The following BCL11B variants were observed in gnomAD, a reference collection of about 807,000 sequenced individuals.
BCL11B encodes BCL11 transcription factor B.
A neutral mutation model predicts 49.9 loss-of-function variants in BCL11B; 8 were observed. The observed-to-expected ratio is 0.16, with a 90% CI of 0.09 to 0.29. BCL11B has a LOEUF of 0.29. Ranked by LOEUF, BCL11B falls within the 10% of genes least tolerant of loss-of-function variation. BCL11B has a pLI of 1.00. For synonymous variants in BCL11B, 739 were observed against 637.4 expected (o/e 1.16, Z -2.40); for missense variants, 1,006 against 1,351.0 (o/e 0.74, Z 4.00).
chr14:99,271,079 G>C (rs937155900), intron 1 of BCL11B, 82 bp downstream of exon 1: 4 of 1,398,434 alleles, frequency 2.9e-6, no homozygotes, highest in Middle Eastern at 4.9e-4. Flanking sequence ...GCCAGGCTCG[G>C]CTGTTCCGGG....
At chr14:99,176,373 TG>T (rs200153279) in intron 3 of BCL11B, among the ~76,000 whole-genome samples, 178 bp from the exon 4 acceptor site, 1 of 152,100 alleles carries the variant, frequency 6.6e-6, no homozygotes, top group Non-Finnish European at 1.5e-5. Context: ...TCCTCCTGGC[TG>T]GGGGGCCGAA....
intron 3 of BCL11B, among the ~76,000 whole-genome samples, chr14:99,187,195 C>T (rs952799900): frequency 6.6e-6 from 1 of 152,166 alleles, no homozygotes; most frequent in Non-Finnish European, 1.5e-5. Flanking sequence ...AGCAACATTG[C>T]CAGCCGCAGG....
In BCL11B at chr14:99,271,074, G is replaced by A. The variant is rs895553088; in HGVS notation, c.58+87C>T. ...GCGGGCGGCCCCGGCGCCTGGCCAG[G>A]CTCGGCTGTTCCGGGCTCGGTGTCC... On this transcript the variant is annotated intron_variant, in intron 1 of 3. Transcript: ENST00000357195. 18 of 1,378,060 alleles carry A rather than the reference G, an allele frequency of 1.3e-5. No homozygotes were observed. In the African/African-American group the frequency reaches 2.4e-4, roughly 19 times the overall value. 85.4% of individuals were successfully genotyped at this position (1,378,060 alleles called of 1,614,324 possible).
intron 2 of BCL11B, among the ~76,000 whole-genome samples, chr14:99,239,291 A>G (rs1888595347): frequency 6.6e-6 from 1 of 152,242 alleles, no homozygotes; most frequent in East Asian, 1.9e-4. Flanking sequence ...TTGCGTCCAG[A>G]GCCACAAACA....
At chr14:99,215,593 G>A (rs888900561) in intron 3 of BCL11B, among the ~76,000 whole-genome samples, 1 of 152,236 alleles carries the variant, frequency 6.6e-6, no homozygotes, top group Non-Finnish European at 1.5e-5. Context: ...ACCAGGCACT[G>A]TAAAATACCA....
At chr14:99,263,620 A>C (rs1035876126) in intron 1 of BCL11B, among the ~76,000 whole-genome samples, 2 of 152,224 alleles carry the variant, frequency 1.3e-5, no homozygotes, top group African/African-American at 4.8e-5. Context: ...ACTCCAGCCT[A>C]ATTTTAGGAT....
Position 99,184,426 on chromosome 14 carries a change from G to A in BCL11B, c.641-8231C>T, listed in dbSNP as rs1220050160. Among the ~76,000 whole-genome samples the A allele has an allele frequency of 2.6e-5, 4 of 152,184 alleles. No homozygotes were observed. The highest frequency in any genetic ancestry group is 5.9e-5 in the Non-Finnish European group (4 of 68,036). Reference sequence around the variant, plus strand: ...CTACAGCCTGCACGTGCCAATGTTGGCCTTTTGCTGTCAGGTGGATGCTCA... The same window carrying A: ...CTACAGCCTGCACGTGCCAATGTTGACCTTTTGCTGTCAGGTGGATGCTCA... On this transcript the variant is annotated intron_variant, in intron 3 of 3. Transcript: ENST00000357195. This position sits in a 1 kb window ranked among gnomAD's most constrained non-coding sequence, Gnocchi z 6.1.
intron 3 of BCL11B, among the ~76,000 whole-genome samples, chr14:99,191,018 G>A (rs1429674198): frequency 6.6e-6 from 1 of 152,136 alleles, no homozygotes; most frequent in African/African-American, 2.4e-5. Context: ...GAAGGCCTTT[G>A]ATTCCACTCT....
At chr14:99,214,786 A>T (rs1473547296) in intron 3 of BCL11B, among the ~76,000 whole-genome samples, 1 of 152,048 alleles carries the variant, frequency 6.6e-6, no homozygotes, top group African/African-American at 2.4e-5. Flanking sequence ...GCAGCATCTT[A>T]TTCCCATGGC....
At chr14:99,259,000 G>T (rs1889260037) in intron 1 of BCL11B, among the ~76,000 whole-genome samples, 1 of 110,946 alleles carries the variant, frequency 9.0e-6, no homozygotes, top group South Asian at 4.4e-4. Context: ...GGAAGACTCG[G>T]CAGCCAAAAG....
rs1888869560 is a variant in BCL11B, at chr14:99,247,148, C to T, written c.427+10323G>A. 6.6e-6 allele frequency among the ~76,000 whole-genome samples: 1 copy of T among 152,170 alleles called. No homozygotes were observed. The highest frequency in any genetic ancestry group is 2.4e-5 in the African/African-American group (1 of 41,448). On this transcript the variant is annotated intron_variant, in intron 2 of 3. Transcript: ENST00000357195. This position sits in a 1 kb window ranked among gnomAD's most constrained non-coding sequence, Gnocchi z 4.5. Reference sequence around the variant, plus strand: ...GGGGCCCGTCTGTTTCTGGAAATGACTTCTTTCTCTCTTTCCCCTTCTCCC... The same window carrying T: ...GGGGCCCGTCTGTTTCTGGAAATGATTTCTTTCTCTCTTTCCCCTTCTCCC...
chr14:99,269,810 T>C (rs1889602496), intron 1 of BCL11B, among the ~76,000 whole-genome samples: 1 of 136,342 alleles, frequency 7.3e-6, no homozygotes, highest in Non-Finnish European at 1.5e-5. Context: ...GCGCGGCGGA[T>C]TGCAAGCATA....
chr14:99,231,853 G>A lies in BCL11B; in HGVS notation c.428-296C>T, dbSNP rs929848131. Among the ~76,000 whole-genome samples, 17 of 151,896 alleles carry A rather than the reference G, an allele frequency of 1.1e-4. No homozygotes were observed. The highest frequency in any genetic ancestry group is 3.9e-4 in the African/African-American group (16 of 41,474). On this transcript the variant is annotated intron_variant, in intron 2 of 3. Transcript: ENST00000357195. This position sits in a 1 kb window ranked among gnomAD's most constrained non-coding sequence, Gnocchi z 8.1. ...TGGTGCAGGGGGCTGGGTGAACGGG[G>A]GCTGTGAGGACCCACTCTCAGGAAG...
intron 3 of BCL11B, among the ~76,000 whole-genome samples, chr14:99,212,525 A>C (rs1887716985): frequency 6.6e-6 from 1 of 152,192 alleles, no homozygotes; most frequent in Non-Finnish European, 1.5e-5. Context: ...CTATGGGGAC[A>C]AACAGGGTCC....
At chr14:99,222,752 C>T (rs1888046942) in intron 3 of BCL11B, among the ~76,000 whole-genome samples, 1 of 152,210 alleles carries the variant, frequency 6.6e-6, no homozygotes, top group Admixed American at 6.5e-5. Flanking sequence ...GACCCTCAGC[C>T]TCAAGTTCCC....
In BCL11B at chr14:99,270,569, C is replaced by A. The variant is rs937228030; in HGVS notation, c.58+592G>T. 2.2e-4 allele frequency among the ~76,000 whole-genome samples: 33 copies of A among 152,104 alleles called. 1 individual carries two copies. In the South Asian group the frequency reaches 2.9e-3, roughly 13 times the overall value. ...GCAGGAGGAGGGGAGAGAAAGGCGG[C>A]TGCGGAATCCTAGGACTGGCGCGGC... On this transcript the variant is annotated intron_variant, in intron 1 of 3. Coordinates refer to ENST00000357195, the MANE Select transcript of BCL11B (RefSeq NM_138576.4).
intron 1 of BCL11B, among the ~76,000 whole-genome samples, chr14:99,270,307 CT>C (rs1285819306): frequency 6.6e-6 from 1 of 151,384 alleles, no homozygotes; most frequent in African/African-American, 2.4e-5. Context: ...TCCTTTTTTT[CT>C]TTTTTTTCTT....
At chr14:99,182,519 TG>T (rs1886736793) in intron 3 of BCL11B, among the ~76,000 whole-genome samples, 3 of 152,352 alleles carry the variant, frequency 2.0e-5, no homozygotes, top group Non-Finnish European at 4.4e-5. Flanking sequence ...GTGTTGCTTT[TG>T]GCTAGAATTG....
rs34988198 is a variant in BCL11B, at chr14:99,222,836, C to CCTTTCTTTCTTTCTTTCTTT, written c.640+8489_640+8508dup. On this transcript the variant is annotated intron_variant, in intron 3 of 3. Coordinates refer to ENST00000357195, the MANE Select transcript of BCL11B (RefSeq NM_138576.4). ...CCCAGCCCTTTAATTTCTTTATTTC[C>CCTTTCTTTCTTTCTTTCTTT]CTTTCTTTCTTTCTTTCTTTCTTTC... 5.7e-4 allele frequency among the ~76,000 whole-genome samples: 87 copies of CCTTTCTTTCTTTCTTTCTTT among 151,414 alleles called. 1 individual carries two copies. Among genetic ancestry groups the CCTTTCTTTCTTTCTTTCTTT allele is most frequent in the African/African-American group, 2.0e-3 (84 of 41,134 alleles).
Sources: allele counts gnomAD v4.1 joint callset (sites outside exome capture counted in the v4.1 genomes callset), GRCh38; gene constraint gnomAD v4.1.1; non-coding constraint Gnocchi (gnomAD v3.1); transcripts MANE v1.5; gene names NCBI Gene and HGNC (gene_info 2026-07-23, HGNC 2026-07-21).